Variants in KIF13A observed in about 807,000 individuals in gnomAD.
KIF13A encodes the protein kinesin family member 13A.
A neutral mutation model predicts 212.2 loss-of-function variants in KIF13A; 79 were observed. That is an observed-to-expected ratio of 0.37 (90% CI 0.31 to 0.45). The LOEUF is 0.45. Ranked by LOEUF, KIF13A falls within the 20% of genes least tolerant of loss-of-function variation. KIF13A has a pLI of 1.00. For synonymous variants in KIF13A, 789 were observed against 808.6 expected (o/e 0.98, Z 0.41); for missense variants, 1,901 against 2,209.0 (o/e 0.86, Z 2.79).
At chr6:17,831,070 T>C (rs1765405389) in intron 13 of KIF13A, 31 bp downstream of exon 13, 2 of 1,592,504 alleles carry the variant, frequency 1.3e-6, no homozygotes, top group East Asian at 2.2e-5. Context: ...GAATGAATCT[T>C]GATTGCATAT....
chr6:17,819,926 C>T (rs1370580538), intron 16 of KIF13A, among the ~76,000 whole-genome samples: 1 of 152,042 alleles, frequency 6.6e-6, no homozygotes, highest in Non-Finnish European at 1.5e-5. Flanking sequence ...AGATGGAGCC[C>T]AACTGTCCTA....
chr6:17,865,585 T>C (rs1292258078), intron 4 of KIF13A, among the ~76,000 whole-genome samples: 1 of 152,196 alleles, frequency 6.6e-6, no homozygotes, highest in Non-Finnish European at 1.5e-5. Context: ...TCAAAAATCT[T>C]TGGTGTATGG....
At chr6:17,905,069 A>G (rs918839689) in intron 2 of KIF13A, among the ~76,000 whole-genome samples, 16 of 152,248 alleles carry the variant, frequency 1.1e-4, no homozygotes, top group Non-Finnish European at 2.2e-4. Flanking sequence ...ACGGCTTTCA[A>G]TGCAGCCCAA....
chr6:17,766,989 T>C (rs1238141387), intron 38 of KIF13A, among the ~76,000 whole-genome samples: 1 of 152,246 alleles, frequency 6.6e-6, no homozygotes, highest in African/African-American at 2.4e-5. Context: ...CCTAATTCTT[T>C]AGCTGTTAAT....
chr6:17,944,787 G>T (rs1328132256), intron 2 of KIF13A, among the ~76,000 whole-genome samples: 1 of 151,644 alleles, frequency 6.6e-6, no homozygotes, highest in Non-Finnish European at 1.5e-5. Context: ...TTGATCAAAA[G>T]AAATGAAAGA....
Position 17,838,695 on chromosome 6 carries a change from A to T in KIF13A, c.831-1112T>A, listed in dbSNP as rs886981058. ...TCAGACACAGAAAAACAAATATTGC[A>T]TGTCCTTACTCATAAGTGGAAGCTA... On this transcript the variant is annotated intron_variant, in intron 9 of 38. Coordinates refer to ENST00000259711, the MANE Select transcript of KIF13A (RefSeq NM_022113.6). This position sits in a 1 kb window ranked among gnomAD's most constrained non-coding sequence, Gnocchi z 4.2. Among the ~76,000 whole-genome samples, 3 of 152,218 alleles carry T rather than the reference A, an allele frequency of 2.0e-5. No homozygotes were observed. The highest frequency in any genetic ancestry group is 7.2e-5 in the African/African-American group (3 of 41,466).
rs1778803419 is a variant in KIF13A at position 17,961,408 on chromosome 6, A to C, written c.146+25646T>G. 6.6e-6 allele frequency among the ~76,000 whole-genome samples: 1 copy of C among 152,232 alleles called. No individual in the cohort carries two copies. The highest frequency in any genetic ancestry group is 2.4e-5 in the African/African-American group (1 of 41,470). On this transcript the variant is annotated intron_variant, in intron 2 of 38. Transcript: ENST00000259711. This position sits in a 1 kb window ranked among gnomAD's most constrained non-coding sequence, Gnocchi z 4.1. ...ATGAAAGGGACCTAAAACCACCCCAAAATTGGCCCAACAAGCACCAAGCAT... is the reference window on the plus strand; with the variant it reads ...ATGAAAGGGACCTAAAACCACCCCACAATTGGCCCAACAAGCACCAAGCAT...
chr6:17,808,653 T>A, intron 18 of KIF13A, 115 bp downstream of exon 18: 1 of 918,956 alleles, frequency 1.1e-6, no homozygotes, highest in South Asian at 2.1e-5. Flanking sequence ...AAAATAAACA[T>A]CTCTGGCTGA....
intron 23 of KIF13A, among the ~76,000 whole-genome samples, chr6:17,796,379 G>A (rs1762035121): frequency 6.6e-6 from 1 of 150,480 alleles, no homozygotes; most frequent in Non-Finnish European, 1.5e-5. Flanking sequence ...TGAGTAGCTG[G>A]GATTACAGGT....
At position 17,934,692 on chromosome 6, in the gene KIF13A, G is replaced by A. The variant is rs1325673741; in HGVS notation, c.147-36512C>T. Among the ~76,000 whole-genome samples, 1 of 151,844 alleles carries A rather than the reference G, an allele frequency of 6.6e-6. No homozygotes were observed. The highest frequency in any genetic ancestry group is 1.5e-5 in the Non-Finnish European group (1 of 67,974). ...GGTCTCACCTACTTGGGAGGCCGAG[G>A]TGGGAGGATCGCTTGAGCCCAGGAG... On this transcript the variant is annotated intron_variant, in intron 2 of 38. Transcript: ENST00000259711. The surrounding 1 kb of genome is among the most constrained non-coding windows in gnomAD (Gnocchi z 5.4).
intron 13 of KIF13A, among the ~76,000 whole-genome samples, chr6:17,830,633 C>T (rs566754186): frequency 3.3e-5 from 5 of 152,296 alleles, no homozygotes; most frequent in South Asian, 2.1e-4. Flanking sequence ...TGTGGGTTTA[C>T]AAGGGATAGA....
intron 7 of KIF13A, among the ~76,000 whole-genome samples, chr6:17,851,234 C>G (rs1767612149): frequency 6.6e-6 from 1 of 152,136 alleles, no homozygotes; most frequent in African/African-American, 2.4e-5. Flanking sequence ...TAGAGCAATT[C>G]TATATATACC....
At chr6:17,948,557 C>CTTTTTTTTTTTTTTTTTTTTTTTTTT (rs71002289) in intron 2 of KIF13A, among the ~76,000 whole-genome samples, 1 of 84,138 alleles carries the variant, frequency 1.2e-5, no homozygotes, top group Non-Finnish European at 2.1e-5. Context: ...CATCCATTTA[C>CTTTTTTTTTTTTTTTTTTTTTTTTTT]TTTTTTTTTT....
chr6:17,855,946 G>A lies in KIF13A; in HGVS notation c.313+84C>T. 1 of 942,708 alleles carries A rather than the reference G, an allele frequency of 1.1e-6. No individual in the cohort carries two copies. Among genetic ancestry groups the A allele is most frequent in the South Asian group, 1.5e-5 (1 of 67,410 alleles). The allele number at this position is 942,708 out of a possible 1,614,324, so 58.4% of individuals were successfully genotyped here. ...GGCTGGTCTCAAACTCCTGGGCTCAGGAGATCCTCCCACCCCAGCCTCACC... is the reference window on the plus strand; with the variant it reads ...GGCTGGTCTCAAACTCCTGGGCTCAAGAGATCCTCCCACCCCAGCCTCACC... On this transcript the variant is annotated intron_variant, in intron 5 of 38. Coordinates refer to ENST00000259711, the MANE Select transcript of KIF13A (RefSeq NM_022113.6). The surrounding 1 kb of genome is among the most constrained non-coding windows in gnomAD (Gnocchi z 4.1).
intron 16 of KIF13A, among the ~76,000 whole-genome samples, chr6:17,820,162 C>G (rs1182462286): frequency 6.6e-6 from 1 of 152,172 alleles, no homozygotes; most frequent in Non-Finnish European, 1.5e-5. Flanking sequence ...TTTGAAACTG[C>G]ACCAGCAGCT....
Position 17,900,654 on chromosome 6 carries a change from T to C in KIF13A, c.147-2474A>G, listed in dbSNP as rs1449745493. The stretch of plus-strand genomic sequence containing the variant: ...TAAACCCTGTAGTGCATCATCACTG[T>C]ACTTCATTCATTGATACATCCTCTA... On this transcript the variant is annotated intron_variant, in intron 2 of 38. Coordinates refer to ENST00000259711, the MANE Select transcript of KIF13A (RefSeq NM_022113.6). The surrounding 1 kb of genome is among the most constrained non-coding windows in gnomAD (Gnocchi z 4.6). 6.6e-6 allele frequency among the ~76,000 whole-genome samples: 1 copy of C among 152,242 alleles called. No homozygotes were observed. Among genetic ancestry groups the C allele is most frequent in the Admixed American group, 6.5e-5 (1 of 15,290 alleles).
chr6:17,806,452 A>G (rs1762956451), intron 18 of KIF13A, among the ~76,000 whole-genome samples: 1 of 152,268 alleles, frequency 6.6e-6, no homozygotes, highest in Admixed American at 6.5e-5. Flanking sequence ...TCAAAAGACT[A>G]AAACCCAGTA....
intron 2 of KIF13A, among the ~76,000 whole-genome samples, chr6:17,966,645 G>A (rs1206892129): frequency 1.3e-5 from 2 of 151,982 alleles, no homozygotes; most frequent in Non-Finnish European, 2.9e-5. Context: ...AACATGGATC[G>A]GTATGGATTC....
At chr6:17,954,713 G>A (rs1276723069) in intron 2 of KIF13A, among the ~76,000 whole-genome samples, 1 of 152,030 alleles carries the variant, frequency 6.6e-6, no homozygotes, top group Non-Finnish European at 1.5e-5. Context: ...CACTCTTCTT[G>A]ACCAGGCTGG....
Sources: allele counts gnomAD v4.1 joint callset (sites outside exome capture counted in the v4.1 genomes callset), GRCh38; gene constraint gnomAD v4.1.1; non-coding constraint Gnocchi (gnomAD v3.1); transcripts MANE v1.5; gene names NCBI Gene and HGNC (gene_info 2026-07-23, HGNC 2026-07-21).